The following SSPN variants were observed in gnomAD, a reference collection of about 807,000 sequenced individuals.
SSPN encodes sarcospan.
In SSPN, 15 loss-of-function variants were observed where a neutral mutation model predicts 19.1. The observed-to-expected ratio is 0.78, with a 90% CI of 0.52 to 1.21. SSPN has a LOEUF of 1.21. SSPN is among the 50% of genes most tolerant of loss of function. SSPN has a pLI of 0.00. For synonymous variants in SSPN, 147 were observed against 140.3 expected (o/e 1.05, Z -0.34); for missense variants, 291 against 314.0 (o/e 0.93, Z 0.55).
At chr12:26,140,200 C>T (rs938808448) in intron 1 of SSPN, among the ~76,000 whole-genome samples, 1 of 152,092 alleles carries the variant, frequency 6.6e-6, no homozygotes, top group Admixed American at 6.6e-5. Context: ...ATGACCATTC[C>T]AGCCTGGTAC....
chr12:26,186,688 G>C (rs1944756315), intron 1 of SSPN, among the ~76,000 whole-genome samples: 1 of 152,224 alleles, frequency 6.6e-6, no homozygotes, highest in Admixed American at 6.5e-5. Flanking sequence ...CTGGGTTACT[G>C]CCTAAGTCAG....
chr12:26,229,200 T>C (rs947257891), intron 2 of SSPN, among the ~76,000 whole-genome samples: 3 of 152,190 alleles, frequency 2.0e-5, no homozygotes, highest in African/African-American at 7.2e-5. Context: ...GATGAAAAGA[T>C]CTAAAGAATC....
At position 26,234,442 on chromosome 12, in the gene SSPN, T is replaced by A. The variant is rs1438188630; in HGVS notation, c.*3366T>A. On this transcript the variant is annotated 3_prime_UTR_variant, in exon 3 of 3. Coordinates refer to ENST00000242729, the MANE Select transcript of SSPN (RefSeq NM_005086.5). ...GCACTCTATCATGTTTTTAGGTGTA[T>A]ATTGTGTATTCAGGATAGCATTAAA... 6.6e-6 allele frequency: 1 copy of A among 152,234 alleles called. No individual in the cohort carries two copies. The highest frequency in any genetic ancestry group is 1.5e-5 in the Non-Finnish European group (1 of 68,042). 9.4% of individuals were successfully genotyped at this position (152,234 alleles called of 1,614,324 possible).
chr12:26,166,246 T>C (rs898883868), intron 1 of SSPN, among the ~76,000 whole-genome samples: 1 of 152,176 alleles, frequency 6.6e-6, no homozygotes, highest in African/African-American at 2.4e-5. Context: ...GTTCTGCACA[T>C]GTATCCCAGA....
intron 1 of SSPN, among the ~76,000 whole-genome samples, chr12:26,171,361 G>A (rs1035098961): frequency 6.6e-6 from 1 of 152,210 alleles, no homozygotes; most frequent in Non-Finnish European, 1.5e-5. Context: ...CAGCTGTCCT[G>A]TTGAACAACC....
chr12:26,183,968 C>A (rs1423042571), intron 1 of SSPN, among the ~76,000 whole-genome samples: 1 of 152,192 alleles, frequency 6.6e-6, no homozygotes, highest in South Asian at 2.1e-4. Flanking sequence ...CATAAGCCTT[C>A]TAAGGGAGCA....
At chr12:26,160,666 A>C (rs1004094426) in intron 1 of SSPN, among the ~76,000 whole-genome samples, 4 of 152,166 alleles carry the variant, frequency 2.6e-5, no homozygotes, top group African/African-American at 9.7e-5. Context: ...ATAGCCTGCT[A>C]TCACCCTAGT....
chr12:26,177,713 C>G (rs946140368), intron 1 of SSPN, among the ~76,000 whole-genome samples: 3 of 152,122 alleles, frequency 2.0e-5, no homozygotes, highest in African/African-American at 4.8e-5. Context: ...AAATCAGCAG[C>G]TGGAGCTAGT....
chr12:26,172,651 T>G (rs1336404667), intron 1 of SSPN, among the ~76,000 whole-genome samples: 2 of 152,216 alleles, frequency 1.3e-5, no homozygotes, highest in African/African-American at 4.8e-5. Context: ...TACGCCAAGA[T>G]TAATCTTTGT....
At chr12:26,149,637 CAT>C (rs1216601223) in intron 1 of SSPN, among the ~76,000 whole-genome samples, 1 of 152,214 alleles carries the variant, frequency 6.6e-6, no homozygotes, top group Non-Finnish European at 1.5e-5. Context: ...ATGTCTGGTG[CAT>C]AATTTGTACT....
chr12:26,138,477 C>T (rs1944441354), intron 1 of SSPN, among the ~76,000 whole-genome samples: 1 of 152,110 alleles, frequency 6.6e-6, no homozygotes. Flanking sequence ...GAACTTTTTG[C>T]AGTGAAAGAA....
At chr12:26,230,606 A>C (rs904167370) in intron 2 of SSPN, 105 bp from the exon 3 acceptor site, 1 of 1,374,038 alleles carries the variant, frequency 7.3e-7, no homozygotes, top group African/African-American at 1.4e-5. Flanking sequence ...TTCCATCAGA[A>C]AATTTCTGGG....
intron 1 of SSPN, among the ~76,000 whole-genome samples, chr12:26,175,888 G>C (rs1944680893): frequency 6.6e-6 from 1 of 150,710 alleles, no homozygotes; most frequent in Non-Finnish European, 1.5e-5. Flanking sequence ...CCAGGCTGGA[G>C]TGCAGTAGCA....
intron 1 of SSPN, among the ~76,000 whole-genome samples, chr12:26,137,182 G>A (rs900208016): frequency 4.6e-5 from 7 of 152,094 alleles, no homozygotes; most frequent in Admixed American, 6.6e-5. Context: ...AAAAAACTGC[G>A]GCACAGGTTA....
At chr12:26,210,754 G>A (rs537329745) in intron 1 of SSPN, among the ~76,000 whole-genome samples, 21 of 152,170 alleles carry the variant, frequency 1.4e-4, no homozygotes, top group Middle Eastern at 3.4e-3. Flanking sequence ...GGGATGCTAC[G>A]TTTTATCCAG....
chr12:26,124,740 G>A, intron 1 of SSPN: 1 of 1,614,206 alleles, frequency 6.2e-7, no homozygotes, highest in Non-Finnish European at 8.5e-7. Flanking sequence ...CTATGTTCCA[G>A]TAACTGTCTC....
intron 1 of SSPN, among the ~76,000 whole-genome samples, chr12:26,212,504 C>T (rs77280343): frequency 0.023 from 3,548 of 152,098 alleles, 54 homozygotes; most frequent in Middle Eastern, 0.041. Flanking sequence ...CAAATTGTTT[C>T]CCCCAACTCC....
chr12:26,184,324 C>A (rs1324459418), intron 1 of SSPN, among the ~76,000 whole-genome samples: 1 of 152,196 alleles, frequency 6.6e-6, no homozygotes, highest in Admixed American at 6.5e-5. Flanking sequence ...TAACACAGTT[C>A]CTAGCATGCA....
intron 1 of SSPN, among the ~76,000 whole-genome samples, chr12:26,158,122 A>G (rs1944566515): frequency 6.6e-6 from 1 of 152,202 alleles, no homozygotes; most frequent in South Asian, 2.1e-4. Flanking sequence ...TAGGATATTA[A>G]TTCATGTAGC....
Sources: gnomAD v4.1 joint callset for allele counts (sites outside exome capture counted in the v4.1 genomes callset) on GRCh38, gnomAD v4.1.1 for gene constraint, MANE v1.5 for transcripts, NCBI Gene and HGNC (gene_info 2026-07-23, HGNC 2026-07-21) for gene names.